The following WSCD2 variants were observed in gnomAD, a reference collection of about 807,000 sequenced individuals.
WSCD2 encodes sialate:O-sulfotransferase 2.
A neutral mutation model predicts 55.7 loss-of-function variants in WSCD2; 28 were observed. That is an observed-to-expected ratio of 0.50 (90% confidence interval 0.37 to 0.69). The LOEUF (loss-of-function observed/expected upper bound fraction) is 0.69. Ranked by LOEUF, WSCD2 falls within the 30% of genes least tolerant of loss-of-function variation. The pLI, the probability that WSCD2 is intolerant of heterozygous loss-of-function variation, is 0.00. For missense variants in WSCD2, 616 were observed against 762.1 expected, an observed-to-expected ratio of 0.81 and a Z score of 2.26; for synonymous variants, 301 against 301.9, an observed-to-expected ratio of 1.00 and a Z score of 0.03.
intron 1 of WSCD2, among the ~76,000 whole-genome samples, chr12:108,166,288 G>C (rs1879585969): frequency 6.6e-6 from 1 of 152,214 alleles, no homozygotes; most frequent in South Asian, 2.1e-4. Flanking sequence ...GAAGAACTCA[G>C]TAAATGACTC....
intron 1 of WSCD2, among the ~76,000 whole-genome samples, chr12:108,162,390 C>A (rs1056713210): frequency 6.6e-6 from 1 of 152,094 alleles, no homozygotes. Flanking sequence ...GCTGGGGGAT[C>A]CCCAGCCCCC....
At chr12:108,200,092 T>A (rs117733170) in intron 2 of WSCD2, among the ~76,000 whole-genome samples, 1,695 of 152,232 alleles carry the variant, frequency 0.011, 16 homozygotes, top group Middle Eastern at 0.024. Flanking sequence ...TCTATTTCCA[T>A]GAGATTACAG....
chr12:108,130,231 A>T (rs1175778164), intron 1 of WSCD2, among the ~76,000 whole-genome samples: 1 of 152,146 alleles, frequency 6.6e-6, no homozygotes, highest in Non-Finnish European at 1.5e-5. Flanking sequence ...TCTCCCGCGG[A>T]GGTGGGCCAG....
chr12:108,181,302 G>T (rs1056737046), intron 1 of WSCD2, among the ~76,000 whole-genome samples: 1 of 152,138 alleles, frequency 6.6e-6, no homozygotes, highest in Non-Finnish European at 1.5e-5. Context: ...GTGTTTGTGT[G>T]GGGGGTGTTC....
chr12:108,224,073 T>G (rs1413322835), intron 4 of WSCD2, among the ~76,000 whole-genome samples: 1 of 152,212 alleles, frequency 6.6e-6, no homozygotes, highest in East Asian at 1.9e-4. Context: ...AATATTTTCT[T>G]AAGGGATGAC....
chr12:108,235,385 G>A (rs1238207635), intron 7 of WSCD2, among the ~76,000 whole-genome samples: 2 of 152,118 alleles, frequency 1.3e-5, no homozygotes, highest in Non-Finnish European at 2.9e-5. Context: ...TGACACACAG[G>A]CGGCATCTCA....
chr12:108,241,492 C>T (rs1195749858), intron 8 of WSCD2, among the ~76,000 whole-genome samples: 3 of 152,180 alleles, frequency 2.0e-5, no homozygotes, highest in African/African-American at 7.2e-5. Flanking sequence ...ACCATAATCG[C>T]CCCATTTGAT....
intron 4 of WSCD2, among the ~76,000 whole-genome samples, chr12:108,220,270 G>A (rs1282767517): frequency 1.3e-5 from 2 of 152,276 alleles, no homozygotes; most frequent in African/African-American, 4.8e-5. Context: ...GGGTTCCATT[G>A]GATAAGATAT....
intron 7 of WSCD2, chr12:108,233,257 A>G (rs567384409): frequency 5.7e-6 from 1 of 176,868 alleles, no homozygotes; most frequent in Admixed American, 5.6e-5. Context: ...TCTTTGATGT[A>G]ATAGAGGTAC....
chr12:108,232,950 C>A (rs149394445), intron 7 of WSCD2, 55 bp downstream of exon 7: 1 of 1,589,042 alleles, frequency 6.3e-7, no homozygotes, highest in Non-Finnish European at 8.6e-7. Context: ...TGGGAAGGTC[C>A]CCACTTGGAG....
At chr12:108,183,660 G>C (rs1032310198) in intron 1 of WSCD2, among the ~76,000 whole-genome samples, 1 of 152,228 alleles carries the variant, frequency 6.6e-6, no homozygotes, top group African/African-American at 2.4e-5. Context: ...GCATTCAGAG[G>C]AGAAAGGCTG....
chr12:108,177,435 T>C (rs1881032854), intron 1 of WSCD2, among the ~76,000 whole-genome samples: 1 of 152,078 alleles, frequency 6.6e-6, no homozygotes, highest in South Asian at 2.1e-4. Flanking sequence ...ACTTACCCAG[T>C]CAAATCCTGG....
At position 108,227,170 on chromosome 12, in the gene WSCD2, C is replaced by G; in HGVS notation, c.979+6C>G. 6.2e-7 allele frequency: 1 copy of G among 1,610,170 alleles called. No individual in the cohort carries two copies. Among genetic ancestry groups the G allele is most frequent in the South Asian group, 1.1e-5 (1 of 90,206 alleles). ...GTACCAGACACAAGTCCAAGGTGAG[C>G]TAGGCCCTTCCCCAGTGGACCCCAG... On this transcript the variant is annotated splice_donor_region_variant and intron_variant, in intron 6 of 8. Transcript: ENST00000547525.
chr12:108,183,262 C>T (rs1192933639), intron 1 of WSCD2, among the ~76,000 whole-genome samples: 1 of 152,200 alleles, frequency 6.6e-6, no homozygotes, highest in African/African-American at 2.4e-5. Flanking sequence ...GTTTTAGCTC[C>T]AAGACTAACC....
chr12:108,220,702 A>AAT (rs1555238668), intron 4 of WSCD2, among the ~76,000 whole-genome samples: 59 of 151,630 alleles, frequency 3.9e-4, no homozygotes, highest in Admixed American at 7.9e-4. Flanking sequence ...GCTAATTAAA[A>AAT]ATATATATAT....
intron 6 of WSCD2, among the ~76,000 whole-genome samples, chr12:108,230,949 G>A (rs187646210): frequency 6.6e-6 from 1 of 152,332 alleles, no homozygotes; most frequent in Admixed American, 6.5e-5. Flanking sequence ...GTGATGGGGT[G>A]AAGGGGAGCT....
At chr12:108,243,113 C>T (rs1409485420) in intron 8 of WSCD2, among the ~76,000 whole-genome samples, 1 of 152,210 alleles carries the variant, frequency 6.6e-6, no homozygotes, top group African/African-American at 2.4e-5. Flanking sequence ...GTTTGAGACC[C>T]TTGCTTTAAG....
At chr12:108,137,823 C>T (rs925091751) in intron 1 of WSCD2, among the ~76,000 whole-genome samples, 3 of 152,220 alleles carry the variant, frequency 2.0e-5, no homozygotes, top group Admixed American at 1.3e-4. Context: ...GAAAAATTCA[C>T]GTACGTGGAA....
intron 1 of WSCD2, among the ~76,000 whole-genome samples, chr12:108,190,182 GGCATATA>G (rs1439313648): frequency 6.6e-6 from 1 of 152,094 alleles, no homozygotes; most frequent in Non-Finnish European, 1.5e-5. Context: ...TAAGATGACT[GGCATATA>G]GTATGCGCTC....
Sources: allele counts gnomAD v4.1 joint callset (sites outside exome capture counted in the v4.1 genomes callset), GRCh38; gene constraint gnomAD v4.1.1; transcripts MANE v1.5; gene names NCBI Gene and HGNC (gene_info 2026-07-23, HGNC 2026-07-21).